ZFAND3: variants seen among roughly 807,000 people sequenced by gnomAD.
ZFAND3 encodes zinc finger AN1-type containing 3.
In ZFAND3, 10 loss-of-function variants were observed where a neutral mutation model predicts 29.6. That is an observed-to-expected ratio of 0.34 (90% CI 0.21 to 0.57). ZFAND3 has a LOEUF of 0.57. Ranked by LOEUF, ZFAND3 falls within the 20% of genes least tolerant of loss-of-function variation. ZFAND3 has a pLI of 0.86. For missense variants in ZFAND3, 230 were observed against 304.5 expected (o/e 0.76, Z 1.82); for synonymous variants, 128 against 112.6 (o/e 1.14, Z -0.87).
chr6:38,042,009 G>T (rs6933696), intron 2 of ZFAND3, among the ~76,000 whole-genome samples: 3,507 of 147,950 alleles, frequency 0.024, 53 homozygotes, highest in African/African-American at 0.045. Context: ...CTTTTTTTTG[G>T]GGGGGAGGGG....
Position 38,040,383 on chromosome 6 carries a change from GTTCA to G in ZFAND3, c.113-21204_113-21201del, listed in dbSNP as rs139027474. Among the ~76,000 whole-genome samples the G allele has an allele frequency of 3.1e-3, 475 of 152,104 alleles. 3 individuals carry two copies. The highest frequency in any genetic ancestry group is 0.011 in the African/African-American group (450 of 41,522). Reference sequence around the variant, plus strand: ...GCTTATTTCACTTAATATTCTTAAAGTTCATTCATATTGTAGCATTGGACAGAAT... The same window carrying G: ...GCTTATTTCACTTAATATTCTTAAAGTTCATATTGTAGCATTGGACAGAAT... On this transcript the variant is annotated intron_variant, in intron 2 of 5. Coordinates refer to ENST00000287218, the MANE Select transcript of ZFAND3 (RefSeq NM_021943.3).
At chr6:37,820,070 A>C in intron 1 of ZFAND3, 54 bp downstream of exon 1, 29 of 1,089,106 alleles carry the variant, frequency 2.7e-5, no homozygotes, top group East Asian at 5.7e-5. Context: ...CGCAGACGCC[A>C]GGGCAGCCTG....
chr6:38,004,327 C>T (rs1247479079), intron 2 of ZFAND3, among the ~76,000 whole-genome samples: 1 of 152,166 alleles, frequency 6.6e-6, no homozygotes, highest in African/African-American at 2.4e-5. Flanking sequence ...CACGTTTGCT[C>T]ATAGCATTAT....
At chr6:37,932,633 C>G (rs927376766) in intron 2 of ZFAND3, among the ~76,000 whole-genome samples, 1 of 152,160 alleles carries the variant, frequency 6.6e-6, no homozygotes, top group African/African-American at 2.4e-5. Context: ...TGGTTCACAT[C>G]AAATACTCCT....
rs145200084 is a variant in ZFAND3 at position 37,943,806 on chromosome 6, A to G, written c.112+13807A>G. On this transcript the variant is annotated intron_variant, in intron 2 of 5. Coordinates refer to ENST00000287218, the MANE Select transcript of ZFAND3 (RefSeq NM_021943.3). ...ACACTGGTACTCAGTCCAAATGTCT[A>G]CTGAATTAATGAGTTTCAAAGTAAA... is the stretch of plus-strand genomic sequence containing the variant. Among the ~76,000 whole-genome samples the G allele has an allele frequency of 1.3e-3, 192 of 152,290 alleles. 2 individuals are homozygous for G. In the South Asian group the frequency reaches 0.021, roughly 17 times the overall value.
At chr6:38,024,840 G>A (rs1763418110) in intron 2 of ZFAND3, among the ~76,000 whole-genome samples, 1 of 152,170 alleles carries the variant, frequency 6.6e-6, no homozygotes. Context: ...ATGAGTATGG[G>A]GATTCCTTTT....
At chr6:38,059,013 C>A (rs993630246) in intron 2 of ZFAND3, among the ~76,000 whole-genome samples, 3 of 152,140 alleles carry the variant, frequency 2.0e-5, no homozygotes, top group Admixed American at 6.5e-5. Context: ...AATGCTATGT[C>A]AAGTTGTAAG....
chr6:38,064,185 G>A (rs2127464470), intron 3 of ZFAND3, among the ~76,000 whole-genome samples: 1 of 152,296 alleles, frequency 6.6e-6, no homozygotes, highest in East Asian at 1.9e-4. Context: ...AGTTGGTCAG[G>A]ATCTCATCTG....
intron 2 of ZFAND3, among the ~76,000 whole-genome samples, chr6:38,049,968 T>TG (rs767412841): frequency 1.7e-4 from 7 of 40,578 alleles, no homozygotes; most frequent in South Asian, 1.0e-3. Flanking sequence ...TTTTTTTTTT[T>TG]GGGGGAGACA....
chr6:38,153,183 A>T lies in ZFAND3; in HGVS notation c.*794A>T, dbSNP rs1766270705. The T allele has an allele frequency of 1.0e-6, 1 of 985,358 alleles. No individual in the cohort carries two copies. The highest frequency in any genetic ancestry group is 1.7e-5 in the African/African-American group (1 of 57,250). The allele number at this position is 985,358 out of a possible 1,614,324, so 61.0% of individuals were successfully genotyped here. The stretch of plus-strand genomic sequence containing the variant: ...CCATTCGCCAGTGCAGGGATCTGGC[A>T]CGGACCAGATGTGGCGAATGGCAGC... On this transcript the variant is annotated 3_prime_UTR_variant, in exon 6 of 6. Coordinates refer to ENST00000287218, the MANE Select transcript of ZFAND3 (RefSeq NM_021943.3).
At chr6:37,829,992 C>T (rs752908261) in intron 1 of ZFAND3, among the ~76,000 whole-genome samples, 9 of 152,174 alleles carry the variant, frequency 5.9e-5, no homozygotes, top group Admixed American at 3.3e-4. Flanking sequence ...ATTTTCTTAC[C>T]CTTGGTTTTA....
intron 4 of ZFAND3, chr6:38,088,359 C>T (rs1270677398): frequency 6.6e-6 from 1 of 151,968 alleles, no homozygotes; most frequent in Admixed American, 6.6e-5. Flanking sequence ...AACTCATGGA[C>T]ATAAAAAGTA....
rs571708745 is a variant in ZFAND3 at position 38,121,638 on chromosome 6, T to A, written c.529+4899T>A. ...TTTATTTGGGGTTTTAATAGAACAC[T>A]CCTTATTCTGATATTTCTTCATAAT... On this transcript the variant is annotated intron_variant, in intron 5 of 5. Transcript: ENST00000287218. Among the ~76,000 whole-genome samples the A allele has an allele frequency of 5.9e-5, 9 of 152,312 alleles. No homozygotes were observed. The South Asian group carries it at 6.2e-4, about 11-fold the overall frequency.
At chr6:38,096,543 T>G (rs1764984365) in intron 4 of ZFAND3, among the ~76,000 whole-genome samples, 1 of 152,234 alleles carries the variant, frequency 6.6e-6, no homozygotes, top group Non-Finnish European at 1.5e-5. Flanking sequence ...CTTTTTTCCA[T>G]TCAAGATGCG....
intron 1 of ZFAND3, among the ~76,000 whole-genome samples, chr6:37,865,108 G>T (rs1046372262): frequency 1.3e-5 from 2 of 152,152 alleles, no homozygotes; most frequent in Non-Finnish European, 2.9e-5. Context: ...AACCTGGGAG[G>T]TGGAGGTTTC....
chr6:38,018,892 C>G (rs1201648415), intron 2 of ZFAND3, among the ~76,000 whole-genome samples: 2 of 152,168 alleles, frequency 1.3e-5, no homozygotes, highest in Admixed American at 6.5e-5. Flanking sequence ...AAATAATTTA[C>G]ACTCCCACTG....
chr6:37,961,270 T>G (rs183103225), intron 2 of ZFAND3, among the ~76,000 whole-genome samples: 1 of 152,188 alleles, frequency 6.6e-6, no homozygotes, highest in Non-Finnish European at 1.5e-5. Flanking sequence ...TCCTCTGCCT[T>G]TGGAAAGGGG....
intron 4 of ZFAND3, among the ~76,000 whole-genome samples, chr6:38,108,217 A>T (rs1269877759): frequency 6.6e-6 from 1 of 152,172 alleles, no homozygotes; most frequent in Middle Eastern, 3.2e-3. Flanking sequence ...TGATGTATGT[A>T]GCTTATTTTC....
At chr6:37,950,688 T>G (rs2127420546) in intron 2 of ZFAND3, among the ~76,000 whole-genome samples, 1 of 152,256 alleles carries the variant, frequency 6.6e-6, no homozygotes, top group East Asian at 1.9e-4. Flanking sequence ...CTGTTGACTT[T>G]GTTGATGGTT....
Sources: gnomAD v4.1 joint callset for allele counts (sites outside exome capture counted in the v4.1 genomes callset) on GRCh38, gnomAD v4.1.1 for gene constraint, MANE v1.5 for transcripts, NCBI Gene and HGNC (gene_info 2026-07-23, HGNC 2026-07-21) for gene names.